Variants in RCOR2 observed in about 807,000 individuals in gnomAD.
RCOR2 encodes REST corepressor 2.
In RCOR2, 19 loss-of-function variants were observed where a neutral mutation model predicts 58.9. That is an observed-to-expected ratio of 0.32 (90% CI 0.23 to 0.47). The LOEUF (loss-of-function observed/expected upper bound fraction) is 0.47. Ranked by LOEUF, RCOR2 falls within the 20% of genes least tolerant of loss-of-function variation. The pLI is 1.00. For synonymous variants in RCOR2, 286 were observed against 278.7 expected, an observed-to-expected ratio of 1.03 and a Z score of -0.26; for missense variants, 590 against 707.9, an observed-to-expected ratio of 0.83 and a Z score of 1.89.
chr11:63,918,447 C>T (rs914941971), upstream of RCOR2, among the ~76,000 whole-genome samples: 75 of 152,172 alleles, frequency 4.9e-4, no homozygotes, highest in African/African-American at 1.7e-3. Context: ...CCACATGGGG[C>T]CACCCAGCCA....
In RCOR2 at chr11:63,915,065, A is replaced by C. The variant is rs1371662767; in HGVS notation, c.266-111T>G. The C allele has an allele frequency of 3.9e-6, 6 of 1,543,984 alleles. No individual in the cohort carries two copies. In the East Asian group the frequency reaches 1.4e-4, roughly 35 times the overall value. On this transcript the variant is annotated intron_variant, in intron 3 of 11. Coordinates refer to ENST00000301459, the MANE Select transcript of RCOR2 (RefSeq NM_173587.4). ...GGCCAGGTCCCTGAACACGAGCCCC[A>C]GGGCAAGGGTTGGACCCACGAACAC...
chr11:63,923,126 C>T, the RCOR2 span, among the ~76,000 whole-genome samples: 2 of 151,878 alleles, frequency 1.3e-5, no homozygotes, highest in Non-Finnish European at 2.9e-5. Context: ...ATAGATGGAC[C>T]TTCCCCCTTC....
In RCOR2 at chr11:63,914,636, G is replaced by C. The variant is rs201131662; in HGVS notation, c.480+19C>G. The C allele has an allele frequency of 7.5e-6, 12 of 1,603,516 alleles. No homozygotes were observed. In the Admixed American group the frequency reaches 1.2e-4, roughly 16 times the overall value. ...GAGGGGCAGAGGAGCGCCGGGGAGT[G>C]GGGGTGGAAGGGCTTTACCATCTGC... On this transcript the variant is annotated intron_variant, in intron 5 of 11. Coordinates refer to ENST00000301459, the MANE Select transcript of RCOR2 (RefSeq NM_173587.4).
At position 63,914,923 on chromosome 11, in the gene RCOR2, C is replaced by G; in HGVS notation, c.297G>C (p.Lys99Asn). The change falls in exon 4 of 12, where the codon AAG (lysine) becomes AAC (asparagine). Residue 99 changes from lysine (K) to asparagine (N), a missense_variant. Lys to Asn is a moderately conservative substitution (Grantham distance 94). Transcript: ENST00000301459. ...LDKYIAMAKE[K>N]HGYNIEQALG... ...TCACCTGCTCAATGTTGTAGCCATG[C>G]TTCTCCTTGGCCATCGCAATGTACT... The G allele has an allele frequency of 6.2e-7, 1 of 1,613,964 alleles. No homozygotes were observed. Among genetic ancestry groups the G allele is most frequent in the Non-Finnish European group, 8.5e-7 (1 of 1,180,014 alleles).
intron 4 of RCOR2, 24 bp from the exon 5 acceptor site, chr11:63,914,840 G>A (rs4375445): frequency 1.3e-6 from 2 of 1,594,306 alleles, no homozygotes; most frequent in South Asian, 1.1e-5. Context: ...AGGGGCAGCT[G>A]AGCCTGAGCT....
At chr11:63,925,952 C>A in the RCOR2 span, among the ~76,000 whole-genome samples, 2 of 151,956 alleles carry the variant, frequency 1.3e-5, no homozygotes, top group Non-Finnish European at 2.9e-5. Context: ...TCTTGTCGCC[C>A]AGGCTGGAGT....
Position 63,912,909 on chromosome 11 carries a change from T to C in RCOR2, c.930A>G (p.Gln310=). ...GTGGATCAATACCGCCCTCCAGGGC[T>C]TGGCGCAGGCTGCTGTTCGTCTGCT... The part of the protein sequence containing the change: ...SMKQTNSSLR[Q]ALEGGIDPLR... Residue 310 remains glutamine, a synonymous_variant, in exon 9 of 12, where the codon CAA becomes CAG. Coordinates refer to ENST00000301459, the MANE Select transcript of RCOR2 (RefSeq NM_173587.4). 6.2e-7 allele frequency: 1 copy of C among 1,613,724 alleles called. No individual in the cohort carries two copies.
Position 63,917,043 on chromosome 11 carries a change from G to T in RCOR2, c.-587C>A, listed in dbSNP as rs1377468118. On this transcript the variant is annotated 5_prime_UTR_variant, in exon 1 of 12. Coordinates refer to ENST00000301459, the MANE Select transcript of RCOR2 (RefSeq NM_173587.4). ...GCGCTGGGCAGAGTTGCCGGGAGGCGGGCGGAGCGCAGCCGCGGGTGCCGC... is the reference window on the plus strand; with the variant it reads ...GCGCTGGGCAGAGTTGCCGGGAGGCTGGCGGAGCGCAGCCGCGGGTGCCGC... Among the ~76,000 whole-genome samples, 1 of 148,670 alleles carries T rather than the reference G, an allele frequency of 6.7e-6. No individual in the cohort carries two copies. The highest frequency in any genetic ancestry group is 1.9e-4 in the East Asian group (1 of 5,166).
chr11:63,919,370 G>A, upstream of RCOR2, among the ~76,000 whole-genome samples: 1 of 151,058 alleles, frequency 6.6e-6, no homozygotes, highest in East Asian at 2.0e-4. Flanking sequence ...GGCCCCGGCC[G>A]GCCTGGCCAT....
Position 63,911,811 on chromosome 11 carries a change from G to T in RCOR2, c.*54C>A. On this transcript the variant is annotated 3_prime_UTR_variant, in exon 12 of 12. Coordinates refer to ENST00000301459, the MANE Select transcript of RCOR2 (RefSeq NM_173587.4). The stretch of plus-strand genomic sequence containing the variant: ...TCCTCAGTGACACCAGAGATGCCTG[G>T]GGATGGCCAGCAAAGGGGTCCTGGA... 6.8e-7 allele frequency: 1 copy of T among 1,475,426 alleles called. No homozygotes were observed. The allele number at this position is 1,475,426 out of a possible 1,614,324, so 91.4% of individuals were successfully genotyped here.
intron 1 of RCOR2, among the ~76,000 whole-genome samples, chr11:63,915,843 A>G (rs1416259113): frequency 4.6e-5 from 7 of 152,222 alleles, no homozygotes; most frequent in African/African-American, 1.7e-4. Context: ...GAGGGTGGAC[A>G]AGGGGACAGT....
In RCOR2 at chr11:63,916,566, G is replaced by A; in HGVS notation, c.-110C>T. On this transcript the variant is annotated 5_prime_UTR_variant, in exon 1 of 12. Coordinates refer to ENST00000301459, the MANE Select transcript of RCOR2 (RefSeq NM_173587.4). ...CCCGGCCTGGAGAGGTCGCCACTGA[G>A]GTTAGGAGAGGCAGGAGGTCAGCGT... 6.9e-7 allele frequency: 1 copy of A among 1,443,480 alleles called. No homozygotes were observed. The highest frequency in any genetic ancestry group is 9.1e-7 in the Non-Finnish European group (1 of 1,099,838). 89.4% of individuals were successfully genotyped at this position (1,443,480 alleles called of 1,614,324 possible). A position where few individuals can be genotyped will look rare whatever the true frequency, so the allele number is the denominator to read the frequency against.
the RCOR2 span, among the ~76,000 whole-genome samples, chr11:63,925,675 A>G: frequency 2.0e-5 from 3 of 151,022 alleles, no homozygotes; most frequent in Admixed American, 6.6e-5. Context: ...AAAATTAGCC[A>G]GGTGTGGTGG....
rs949349683 is a variant in RCOR2 at position 63,913,003 on chromosome 11, T to C, written c.892-56A>G. On this transcript the variant is annotated intron_variant, in intron 8 of 11. Transcript: ENST00000301459. Reference sequence around the variant, plus strand: ...GACTCCCATCTCAGGCAGGCCACTATGCCCCTCACAGGACCCTACTTCTGC... The same window carrying C: ...GACTCCCATCTCAGGCAGGCCACTACGCCCCTCACAGGACCCTACTTCTGC... 8 of 1,477,476 alleles carry C rather than the reference T, an allele frequency of 5.4e-6. No homozygotes were observed. In the Admixed American group the frequency reaches 1.3e-4, roughly 24 times the overall value. The allele number at this position is 1,477,476 out of a possible 1,614,324, so 91.5% of individuals were successfully genotyped here.
upstream of RCOR2, among the ~76,000 whole-genome samples, chr11:63,921,445 G>A (rs1941915465): frequency 6.6e-6 from 1 of 152,198 alleles, no homozygotes; most frequent in Admixed American, 6.5e-5. Context: ...CCCCCAGCAA[G>A]GCCTGCCCCA....
chr11:63,915,827 G>A (rs1306904150), intron 1 of RCOR2, among the ~76,000 whole-genome samples: 1 of 152,230 alleles, frequency 6.6e-6, no homozygotes, highest in Non-Finnish European at 1.5e-5. Context: ...ATGGCCATTG[G>A]GGCTGGAGGG....
At chr11:63,922,507 C>A in the RCOR2 span, among the ~76,000 whole-genome samples, 1 of 152,148 alleles carries the variant, frequency 6.6e-6, no homozygotes, top group African/African-American at 2.4e-5. Flanking sequence ...CATGCGCCAC[C>A]ACGCCTGGCT....
chr11:63,915,761 C>T (rs1941848100), intron 1 of RCOR2, 150 bp from the exon 2 acceptor site: 3 of 694,448 alleles, frequency 4.3e-6, no homozygotes, highest in Non-Finnish European at 7.8e-6. Context: ...CCTCATTGTA[C>T]CCCAGTTACC....
chr11:63,912,047 G>C lies in RCOR2; in HGVS notation c.1390C>G (p.Leu464Val). The C allele has an allele frequency of 6.7e-7, 1 of 1,488,644 alleles. No homozygotes were observed. The allele number at this position is 1,488,644 out of a possible 1,614,324, so 92.2% of individuals were successfully genotyped here. ...TGCTGCAGTGGGGGTGGCTGTCGGA[G>C]CAGAGTGGGAGCCGTGGGCAAAGGT... ...RPPLPTAPTL[L>V]RQPPPLQQGR... is the part of the protein sequence containing the mutation. Residue 464 changes from leucine (L) to valine (V), a missense_variant, in exon 12 of 12, where the codon CTC (leucine) becomes GTC (valine). By Grantham distance (32) the Leu-to-Val change is conservative (BLOSUM62 1). This residue lies in a region of RCOR2 where 196 missense variants were observed against 210.7 expected (regional missense o/e 0.93). Coordinates refer to ENST00000301459, the MANE Select transcript of RCOR2 (RefSeq NM_173587.4).
Sources: gnomAD v4.1 joint callset for allele counts (sites outside exome capture counted in the v4.1 genomes callset) on GRCh38, gnomAD v4.1.1 for gene constraint, gnomAD v4.1.1 regional missense constraint, MANE v1.5 for transcripts, NCBI Gene and HGNC (gene_info 2026-07-23, HGNC 2026-07-21) for gene names.